Variants in SREBF2 observed in about 807,000 individuals in gnomAD.
SREBF2 encodes the protein sterol regulatory element binding transcription factor 2, also known as sterol regulatory element-binding protein 2.
Under a neutral mutation model 113.1 loss-of-function variants are expected in SREBF2, and 55 were observed. The ratio of observed to expected loss-of-function variants is 0.49; its 90% CI spans 0.39 to 0.61. The LOEUF is 0.61. Among genes scored for constraint, SREBF2 ranks in the 20% least tolerant of loss-of-function variants. The pLI is 0.00. For missense variants in SREBF2, 1,349 were observed against 1,487.4 expected (o/e 0.91, Z 1.53); for synonymous variants, 593 against 605.7 (o/e 0.98, Z 0.31).
chr22:41,882,868 TC>T lies in SREBF2; in HGVS notation c.2038+1877del, dbSNP rs1017398690. On this transcript the variant is annotated intron_variant, in intron 10 of 18. Coordinates refer to ENST00000361204, the MANE Select transcript of SREBF2 (RefSeq NM_004599.4). ...TCTGTAATCTCAGAACTTTGGGAGG[TC>T]AAGGAAGGAAGGTCGCTTGAGCCCA... Among the ~76,000 whole-genome samples the T allele has an allele frequency of 5.0e-4, 76 of 151,786 alleles. 1 individual carries two copies. Among genetic ancestry groups the T allele is most frequent in the Middle Eastern group, 6.8e-3 (2 of 294 alleles).
At chr22:41,896,231 C>T (rs1485650327) in intron 13 of SREBF2, among the ~76,000 whole-genome samples, 1 of 152,126 alleles carries the variant, frequency 6.6e-6, no homozygotes, top group Non-Finnish European at 1.5e-5. Flanking sequence ...GGGACCCAGC[C>T]CCTCATGGAA....
chr22:41,857,195 G>C (rs905078969), intron 1 of SREBF2, among the ~76,000 whole-genome samples: 1 of 152,198 alleles, frequency 6.6e-6, no homozygotes, highest in Non-Finnish European at 1.5e-5. Flanking sequence ...CGGGAGTGAA[G>C]AGGTAAATCC....
rs1378299315 is a variant in SREBF2 at position 41,877,364 on chromosome 22, G to A, written c.1522G>A (p.Asp508Asn). 12 of 1,614,086 alleles carry A rather than the reference G, an allele frequency of 7.4e-6. No individual in the cohort carries two copies. Among genetic ancestry groups the A allele is most frequent in the East Asian group, 2.2e-5 (1 of 44,882 alleles). ...TSLLQWGGAHDSDQHPHSGSG... is the reference protein window; with the variant it reads ...TSLLQWGGAHNSDQHPHSGSG... ...CCTGCTGCAGTGGGGAGGGGCCCAC[G>A]ACTCTGACCAGCACCCACACTCAGG... is the stretch of plus-strand genomic sequence containing the variant. Residue 508 changes from aspartate (D) to asparagine (N), a missense_variant, in exon 8 of 19, where the codon GAC (aspartate) becomes AAC (asparagine). Around this residue, in one of 2 missense-constraint regions of SREBF2, gnomAD observed 699 missense variants for 843.3 expected, o/e 0.83. Coordinates refer to ENST00000361204, the MANE Select transcript of SREBF2 (RefSeq NM_004599.4).
At chr22:41,862,564 T>G (rs1286500479) in intron 1 of SREBF2, among the ~76,000 whole-genome samples, 1 of 152,180 alleles carries the variant, frequency 6.6e-6, no homozygotes, top group East Asian at 1.9e-4. Context: ...TTTTCTGAGT[T>G]TCATGGCTCT....
intron 11 of SREBF2, among the ~76,000 whole-genome samples, chr22:41,886,990 C>T (rs566888214): frequency 1.1e-4 from 16 of 152,272 alleles, no homozygotes; most frequent in African/African-American, 3.4e-4. Flanking sequence ...GCGGAGATCA[C>T]GCCATTGCAC....
Position 41,867,264 on chromosome 22 carries a change from A to C in SREBF2, c.522A>C (p.Ala174=), listed in dbSNP as rs1481056122. 6.2e-7 allele frequency: 1 copy of C among 1,614,112 alleles called. No individual in the cohort carries two copies. Among genetic ancestry groups the C allele is most frequent in the African/African-American group, 1.3e-5 (1 of 74,942 alleles). ...AGCAGCCTTTGATATACCAGAATGC[A>C]GCTACTAGCTTTCAAGGTGATTCAG... is the stretch of plus-strand genomic sequence containing the variant. The part of the protein sequence containing the change: ...IIQQPLIYQN[A]ATSFQVLQPQ... The change falls in exon 2 of 19, where the codon GCA becomes GCC. Residue 174 remains alanine (A), a synonymous_variant. Coordinates refer to ENST00000361204, the MANE Select transcript of SREBF2 (RefSeq NM_004599.4).
intron 1 of SREBF2, among the ~76,000 whole-genome samples, chr22:41,853,298 C>T (rs1021349828): frequency 6.6e-6 from 1 of 152,186 alleles, no homozygotes; most frequent in Admixed American, 6.5e-5. Flanking sequence ...CACCCATTGT[C>T]TTCAACAACC....
intron 10 of SREBF2, among the ~76,000 whole-genome samples, chr22:41,882,367 T>G (rs922949046): frequency 3.9e-5 from 6 of 152,130 alleles, no homozygotes; most frequent in African/African-American, 1.4e-4. Flanking sequence ...TTTTGGACAC[T>G]TGCCTGTGAG....
At chr22:41,902,709 G>A (rs2077474920) in intron 16 of SREBF2, among the ~76,000 whole-genome samples, 1 of 152,224 alleles carries the variant, frequency 6.6e-6, no homozygotes, top group Non-Finnish European at 1.5e-5. Context: ...CCCTATACAA[G>A]CTGCTGTCCC....
chr22:41,893,853 C>T (rs990128499), intron 12 of SREBF2, among the ~76,000 whole-genome samples: 5 of 152,156 alleles, frequency 3.3e-5, no homozygotes, highest in African/African-American at 1.2e-4. Flanking sequence ...AGAGGCTGGT[C>T]AGGATTGACT....
Position 41,906,020 on chromosome 22 carries a change from C to T in SREBF2, c.*360C>T. 1 of 494,242 alleles carries T rather than the reference C, an allele frequency of 2.0e-6. No individual in the cohort carries two copies. The highest frequency in any genetic ancestry group is 5.8e-5 in the East Asian group (1 of 17,358). 30.6% of individuals were successfully genotyped at this position (494,242 alleles called of 1,614,324 possible). ...TTTTGCTTCCTCAGTTTTTATCAGG[C>T]TTTCTCTGGGGGACAGCAGTCTCTG... On this transcript the variant is annotated 3_prime_UTR_variant, in exon 19 of 19. Transcript: ENST00000361204.
intron 1 of SREBF2, chr22:41,834,085 G>C (rs1403128118): frequency 1.3e-5 from 2 of 152,522 alleles, no homozygotes; most frequent in African/African-American, 4.8e-5. Context: ...GAGTGGAAGA[G>C]CTGGTAGGAG....
At chr22:41,850,231 C>A (rs2076915491) in intron 1 of SREBF2, among the ~76,000 whole-genome samples, 1 of 152,028 alleles carries the variant, frequency 6.6e-6, no homozygotes, top group Admixed American at 6.6e-5. Context: ...AGGTGGATCA[C>A]AAGGGCAGGA....
intron 17 of SREBF2, 126 bp downstream of exon 17, chr22:41,903,281 G>A (rs1270073996): frequency 1.8e-5 from 21 of 1,176,778 alleles, no homozygotes; most frequent in Non-Finnish European, 2.6e-5. Flanking sequence ...GTGACCTGTC[G>A]AGCACCTGCT....
intron 1 of SREBF2, among the ~76,000 whole-genome samples, chr22:41,851,469 C>A (rs774950572): frequency 5.3e-5 from 8 of 151,534 alleles, no homozygotes; most frequent in Non-Finnish European, 7.4e-5. Flanking sequence ...CATAGTAAGG[C>A]CCTGCTTCTT....
At chr22:41,850,866 G>C (rs576701139) in intron 1 of SREBF2, among the ~76,000 whole-genome samples, 7 of 151,918 alleles carry the variant, frequency 4.6e-5, no homozygotes, top group African/African-American at 7.2e-5. Context: ...TCAGCCTCCC[G>C]AGTAGCTCGG....
At chr22:41,848,288 C>T (rs763329289) in intron 1 of SREBF2, among the ~76,000 whole-genome samples, 30 of 152,122 alleles carry the variant, frequency 2.0e-4, no homozygotes, top group Admixed American at 9.8e-4. Context: ...GGAGTTTCAC[C>T]GTGTTAGCCA....
intron 1 of SREBF2, among the ~76,000 whole-genome samples, chr22:41,855,186 T>A (rs74278423): frequency 0.093 from 14,167 of 152,042 alleles, 746 homozygotes; most frequent in East Asian, 0.15. Flanking sequence ...GAAACTGATA[T>A]TTACATAGAA....
intron 1 of SREBF2, among the ~76,000 whole-genome samples, chr22:41,840,830 G>A (rs750725097): frequency 2.0e-5 from 3 of 152,174 alleles, no homozygotes; most frequent in Non-Finnish European, 4.4e-5. Flanking sequence ...GGGCTCTGGA[G>A]AGCTGTGTCT....
Sources: gnomAD v4.1 joint callset for allele counts (sites outside exome capture counted in the v4.1 genomes callset) on GRCh38, gnomAD v4.1.1 for gene constraint, gnomAD v4.1.1 regional missense constraint, MANE v1.5 for transcripts, NCBI Gene and HGNC (gene_info 2026-07-23, HGNC 2026-07-21) for gene names.